Variants in SLC12A5 observed in about 807,000 individuals in gnomAD.
SLC12A5 encodes K-Cl cotransporter 2.
SLC12A5 carries 18 observed loss-of-function variants against 124.0 expected under a neutral mutation model. That is an observed-to-expected ratio of 0.15 (90% CI 0.10 to 0.22). SLC12A5 has a LOEUF of 0.22. Among genes scored for constraint, SLC12A5 ranks in the 10% least tolerant of loss-of-function variants. The pLI, the probability that SLC12A5 is intolerant of heterozygous loss-of-function variation, is 1.00. For missense variants in SLC12A5, 867 were observed against 1,478.7 expected, an observed-to-expected ratio of 0.59 and a Z score of 6.78; for synonymous variants, 589 against 568.0, an observed-to-expected ratio of 1.04 and a Z score of -0.53.
chr20:46,040,606 C>A lies in SLC12A5; in HGVS notation c.846C>A (p.Pro282=). Residue 282 remains proline (P), a synonymous_variant, in exon 7 of 26, where the codon CCC becomes CCA. Coordinates refer to ENST00000243964, the MANE Select transcript of SLC12A5 (RefSeq NM_020708.5). The part of the protein sequence containing the change: ...AGVIKSAFDP[P]NFPICLLGNR... ...TCATCAAGTCTGCCTTCGACCCACC[C>A]AACTTCCCGTGAGTGCTGCTGCTCT... The A allele has an allele frequency of 6.2e-7, 1 of 1,614,084 alleles. No individual in the cohort carries two copies. Among genetic ancestry groups the A allele is most frequent in the Non-Finnish European group, 8.5e-7 (1 of 1,179,966 alleles).
In SLC12A5 at chr20:46,046,344, C is replaced by T. The variant is rs41282784; in HGVS notation, c.1695C>T (p.Phe565=). 589 of 1,614,122 alleles carry T rather than the reference C, an allele frequency of 3.6e-4. 2 individuals carry two copies. The highest frequency in any genetic ancestry group is 4.0e-4 in the Admixed American group (24 of 60,012). Reference sequence around the variant, plus strand: ...GGGCCTTCCTGTGTTCCAGGTTCTTCCTGATGTGCTACATGTTTGTGAATC... The same window carrying T: ...GGGCCTTCCTGTGTTCCAGGTTCTTTCTGATGTGCTACATGTTTGTGAATC... ...DEVAPILSMF[F]LMCYMFVNLA... The change falls in exon 14 of 26, where the codon TTC becomes TTT. Residue 565 remains phenylalanine (F), a synonymous_variant. Transcript: ENST00000243964.
In SLC12A5 at chr20:46,058,484, C is replaced by T. The variant is rs2084717806; in HGVS notation, c.*879C>T. On this transcript the variant is annotated 3_prime_UTR_variant, in exon 26 of 26. Coordinates refer to ENST00000243964, the MANE Select transcript of SLC12A5 (RefSeq NM_020708.5). The surrounding 1 kb of genome is among the most constrained non-coding windows in gnomAD (Gnocchi z 5.8). ...TGAGCTTCCACTGCGGCTGCAGAGACGCGAGCAACCTCTTCTCATCGGCTC... is the reference window on the plus strand; with the variant it reads ...TGAGCTTCCACTGCGGCTGCAGAGATGCGAGCAACCTCTTCTCATCGGCTC... 1.5e-5 allele frequency: 6 copies of T among 399,114 alleles called. No homozygotes were observed. The highest frequency in any genetic ancestry group is 8.8e-5 in the Admixed American group (2 of 22,720). The allele number at this position is 399,114 out of a possible 1,614,324, so 24.7% of individuals were successfully genotyped here.
intron 15 of SLC12A5, 70 bp downstream of exon 15, chr20:46,047,643 G>T (rs1247186306): frequency 1.9e-6 from 3 of 1,563,630 alleles, no homozygotes; most frequent in African/African-American, 2.7e-5. Flanking sequence ...GAGGGAAGGG[G>T]TCATGAGGGA....
intron 13 of SLC12A5, 90 bp from the exon 14 acceptor site, chr20:46,046,248 C>G (rs1310573976): frequency 8.2e-7 from 1 of 1,218,224 alleles, no homozygotes; most frequent in East Asian, 2.4e-5. Context: ...GACTTCCTGT[C>G]CCCTTTCCCC....
At chr20:46,024,761 G>A (rs548176106), upstream of SLC12A5, among the ~76,000 whole-genome samples, 11 of 152,320 alleles carry the variant, frequency 7.2e-5, no homozygotes, top group Admixed American at 2.6e-4. Flanking sequence ...CCTGGATTGC[G>A]GGCCACACAC....
In SLC12A5 at chr20:46,046,338, G is replaced by T; in HGVS notation, c.1689G>T (p.Met563Ile). The change falls in exon 14 of 26, where the codon ATG (methionine) becomes ATT (isoleucine). Residue 563 changes from methionine (M) to isoleucine (I), a missense_variant and splice_region_variant. Coordinates refer to ENST00000243964, the MANE Select transcript of SLC12A5 (RefSeq NM_020708.5). ...SLDEVAPILS[M>I]FFLMCYMFVN... ...CCCCTGGGGCCTTCCTGTGTTCCAG[G>T]TTCTTCCTGATGTGCTACATGTTTG... is the stretch of plus-strand genomic sequence containing the variant. 1 of 1,614,014 alleles carries T rather than the reference G, an allele frequency of 6.2e-7. No homozygotes were observed. Among genetic ancestry groups the T allele is most frequent in the Non-Finnish European group, 8.5e-7 (1 of 1,179,956 alleles).
At chr20:46,034,005 C>T (rs1445190813) in intron 1 of SLC12A5, among the ~76,000 whole-genome samples, 1 of 152,038 alleles carries the variant, frequency 6.6e-6, no homozygotes. Context: ...TGGATGAGGT[C>T]CACATTCTTG....
rs2084426036 is a variant in SLC12A5 at position 46,029,462 on chromosome 20, A to T, written c.52+66A>T. The T allele has an allele frequency of 2.7e-6, 4 of 1,506,506 alleles. No individual in the cohort carries two copies. The South Asian group carries it at 5.0e-5, about 19-fold the overall frequency. The allele number at this position is 1,506,506 out of a possible 1,614,324, so 93.3% of individuals were successfully genotyped here. A position where few individuals can be genotyped will look rare whatever the true frequency, so the allele number is the denominator to read the frequency against. On this transcript the variant is annotated intron_variant, in intron 1 of 25. Coordinates refer to ENST00000243964, the MANE Select transcript of SLC12A5 (RefSeq NM_020708.5). ...GGAGAGGAGGCAGCTCTGGGGTTAG[A>T]GGCGGAGCGGGGGCCACCTCCTTCA... is the stretch of plus-strand genomic sequence containing the variant.
intron 9 of SLC12A5, 152 bp from the exon 10 acceptor site, chr20:46,043,481 A>G: frequency 8.5e-7 from 1 of 1,170,680 alleles, no homozygotes; most frequent in Non-Finnish European, 1.2e-6. Context: ...TAAGGCCAGG[A>G]GAAGCTAAGT....
chr20:46,027,143 C>T (rs6124763), upstream of SLC12A5, among the ~76,000 whole-genome samples: 40 of 152,270 alleles, frequency 2.6e-4, no homozygotes, highest in East Asian at 6.2e-3. Context: ...GAGTGGCATG[C>T]TTAAAAATTT....
chr20:46,040,103 A>G (rs923208100), intron 6 of SLC12A5, among the ~76,000 whole-genome samples: 1 of 152,214 alleles, frequency 6.6e-6, no homozygotes, highest in Non-Finnish European at 1.5e-5. Flanking sequence ...CCTGGCTTCA[A>G]GTGATCCTCC....
At chr20:46,024,169 G>A (rs1413910822), downstream of SLC12A5, among the ~76,000 whole-genome samples, 1 of 150,442 alleles carries the variant, frequency 6.6e-6, no homozygotes, top group Non-Finnish European at 1.5e-5. Flanking sequence ...GTGTGTGTGT[G>A]TCTTGTGGGA....
In SLC12A5 at chr20:46,045,804, T is replaced by C; in HGVS notation, c.1570-74T>C. On this transcript the variant is annotated intron_variant, in intron 12 of 25. Coordinates refer to ENST00000243964, the MANE Select transcript of SLC12A5 (RefSeq NM_020708.5). The surrounding 1 kb of genome is among the most constrained non-coding windows in gnomAD (Gnocchi z 4.9). ...GATAGGATTCCTGCCTCTACTCCAC[T>C]GGTTCCCGAGGCTAGGGGAGAGGGC... The C allele has an allele frequency of 1.6e-6, 2 of 1,223,378 alleles. No homozygotes were observed. The highest frequency in any genetic ancestry group is 1.3e-5 in the South Asian group (1 of 77,628). The allele number at this position is 1,223,378 out of a possible 1,614,324, so 75.8% of individuals were successfully genotyped here. A position where few individuals can be genotyped will look rare whatever the true frequency, so the allele number is the denominator to read the frequency against.
chr20:46,029,877 T>C (rs2084431023), intron 1 of SLC12A5, among the ~76,000 whole-genome samples: 2 of 52,484 alleles, frequency 3.8e-5, no homozygotes, highest in Non-Finnish European at 9.5e-5. Flanking sequence ...TGTGTGTGTG[T>C]GTGTGTGTGT....
chr20:46,045,128 G>A lies in SLC12A5; in HGVS notation c.1557G>A (p.Val519=). ...AGGCCATCTCGAGGGATGGCATTGT[G>A]CCCTTCCTGCAGGTCAGTGTGGGAG... The part of the protein sequence containing the change: ...LLQAISRDGI[V]PFLQVFGHGK... Residue 519 remains valine, a synonymous_variant, in exon 12 of 26, where the codon GTG becomes GTA. Coordinates refer to ENST00000243964, the MANE Select transcript of SLC12A5 (RefSeq NM_020708.5). This position sits in a 1 kb window ranked among gnomAD's most constrained non-coding sequence, Gnocchi z 4.9. The A allele has an allele frequency of 1.3e-6, 2 of 1,586,334 alleles. No homozygotes were observed. Among genetic ancestry groups the A allele is most frequent in the Non-Finnish European group, 1.7e-6 (2 of 1,166,992 alleles).
chr20:46,049,816 G>A, intron 17 of SLC12A5, 26 bp downstream of exon 17: 1 of 1,559,214 alleles, frequency 6.4e-7, no homozygotes, highest in Non-Finnish European at 8.7e-7. Flanking sequence ...GGTTGGGCTT[G>A]GGAAAAGGTC....
intron 21 of SLC12A5, among the ~76,000 whole-genome samples, chr20:46,055,312 G>A (rs1012012801): frequency 2.6e-5 from 4 of 152,192 alleles, no homozygotes; most frequent in Non-Finnish European, 4.4e-5. Context: ...TGCTAAATAC[G>A]TATGGATGAT....
chr20:46,042,419 G>A (rs557141671), intron 8 of SLC12A5, among the ~76,000 whole-genome samples: 33 of 152,288 alleles, frequency 2.2e-4, no homozygotes, highest in African/African-American at 7.2e-4. Flanking sequence ...GGTTTTCTGA[G>A]TGAGAGTGAT....
Position 46,056,884 on chromosome 20 carries a change from G to A in SLC12A5, c.3111-13G>A. The A allele has an allele frequency of 6.2e-7, 1 of 1,613,734 alleles. No homozygotes were observed. Among genetic ancestry groups the A allele is most frequent in the African/African-American group, 1.3e-5 (1 of 75,026 alleles). ...TTTTCTTTCTCTCTTTGCATCTCTT[G>A]TGTTTCCTGAAGGGAGTGGGAGAAC... On this transcript the variant is annotated splice_polypyrimidine_tract_variant and intron_variant, in intron 23 of 25. Transcript: ENST00000243964. The surrounding 1 kb of genome is among the most constrained non-coding windows in gnomAD (Gnocchi z 4.3).
Sources: gnomAD v4.1 joint callset for allele counts (sites outside exome capture counted in the v4.1 genomes callset) on GRCh38, gnomAD v4.1.1 for gene constraint, Gnocchi (gnomAD v3.1) non-coding constraint, MANE v1.5 for transcripts, NCBI Gene and HGNC (gene_info 2026-07-23, HGNC 2026-07-21) for gene names.